Variants in XPA observed in about 807,000 individuals in gnomAD.
XPA encodes XPA, DNA damage recognition and repair factor.
Under a neutral mutation model 35.7 loss-of-function variants are expected in XPA, and 27 were observed. The observed-to-expected ratio is 0.76, with a 90% confidence interval of 0.56 to 1.04. The LOEUF (loss-of-function observed/expected upper bound fraction) is 1.04. Among genes scored for constraint, XPA ranks in the 50% least tolerant of loss-of-function variants. The pLI, the probability that XPA is intolerant of heterozygous loss-of-function variation, is 0.00. For missense variants in XPA, 354 were observed against 342.7 expected, an observed-to-expected ratio of 1.03 and a Z score of -0.26; for synonymous variants, 133 against 118.4, an observed-to-expected ratio of 1.12 and a Z score of -0.80.
intron 1 of XPA, among the ~76,000 whole-genome samples, chr9:97,695,260 C>G (rs1348378717): frequency 6.6e-6 from 1 of 152,290 alleles, no homozygotes; most frequent in East Asian, 1.9e-4. Context: ...GCTACAGTCA[C>G]TCCCCTTCTC....
At chr9:97,676,523 CAT>C (rs1420769727) in intron 5 of XPA, among the ~76,000 whole-genome samples, 1 of 152,184 alleles carries the variant, frequency 6.6e-6, no homozygotes, top group Non-Finnish European at 1.5e-5. Context: ...ATAAAAATAA[CAT>C]ACATCAAGTA....
intron 5 of XPA, among the ~76,000 whole-genome samples, chr9:97,683,859 C>T (rs1828622404): frequency 6.7e-6 from 1 of 148,762 alleles, no homozygotes; most frequent in African/African-American, 2.6e-5. Flanking sequence ...ACCTTATTCA[C>T]TCTCCAAAAC....
chr9:97,669,758 T>A, the XPA span: 1 of 1,300,986 alleles, frequency 7.7e-7, no homozygotes, highest in Non-Finnish European at 1.1e-6. Flanking sequence ...CCACAAAGAT[T>A]TTTCATTAAA....
the XPA span, among the ~76,000 whole-genome samples, chr9:97,654,410 G>T: frequency 6.6e-6 from 1 of 152,016 alleles, no homozygotes; most frequent in African/African-American, 2.4e-5. Context: ...ATTTTTTAAA[G>T]TTTTATTATG....
At chr9:97,693,598 G>A in intron 2 of XPA, 51 bp downstream of exon 2, 8 of 1,478,790 alleles carry the variant, frequency 5.4e-6, no homozygotes, top group Non-Finnish European at 7.5e-6. Flanking sequence ...AATTATGCAT[G>A]TTACTCAAAA....
chr9:97,669,101 A>G, the XPA span: 4 of 1,129,766 alleles, frequency 3.5e-6, no homozygotes, highest in Non-Finnish European at 4.8e-6. Flanking sequence ...TAAAAATACA[A>G]AAATTTAGGA....
At chr9:97,657,294 A>G in the XPA span, among the ~76,000 whole-genome samples, 2 of 152,142 alleles carry the variant, frequency 1.3e-5, no homozygotes, top group Non-Finnish European at 2.9e-5. Context: ...AGGTACATAT[A>G]TAGTGTTGAG....
downstream of XPA, chr9:97,673,604 TGTAAGAGCAAACATTC>T (rs1265931484): frequency 6.6e-6 from 1 of 152,210 alleles, no homozygotes; most frequent in African/African-American, 2.4e-5. Flanking sequence ...GAAATAAAGG[TGTAAGAGCAAACATTC>T]AACAGTTGCT....
chr9:97,686,352 C>G (rs1164420445), intron 4 of XPA, among the ~76,000 whole-genome samples: 1 of 152,194 alleles, frequency 6.6e-6, no homozygotes, highest in African/African-American at 2.4e-5. Context: ...TCTTGGCACA[C>G]CTATAACCCA....
At chr9:97,667,937 T>C in the XPA span, among the ~76,000 whole-genome samples, 1 of 152,208 alleles carries the variant, frequency 6.6e-6, no homozygotes, top group African/African-American at 2.4e-5. Flanking sequence ...AGGACAGTCG[T>C]GTACCCACGT....
At chr9:97,663,831 T>G in the XPA span, among the ~76,000 whole-genome samples, 4 of 151,936 alleles carry the variant, frequency 2.6e-5, no homozygotes, top group Admixed American at 2.6e-4. Context: ...TTTTGTTTAG[T>G]CAACCTGTTT....
At chr9:97,664,295 G>A in the XPA span, 4 of 1,208,090 alleles carry the variant, frequency 3.3e-6, no homozygotes, top group Non-Finnish European at 4.9e-6. Context: ...ATATATGTGT[G>A]TGTATGTGTG....
chr9:97,681,894 A>C (rs1366598717), intron 5 of XPA, among the ~76,000 whole-genome samples: 1 of 152,130 alleles, frequency 6.6e-6, no homozygotes, highest in East Asian at 1.9e-4. Flanking sequence ...TAAAAGGCCA[A>C]ATTCAAAAGA....
chr9:97,656,747 T>A, the XPA span, among the ~76,000 whole-genome samples: 3 of 152,158 alleles, frequency 2.0e-5, no homozygotes, highest in African/African-American at 7.2e-5. Flanking sequence ...CCTTTGAGAA[T>A]AAGCTGCATA....
At position 97,675,501 on chromosome 9, in the gene XPA, C is replaced by CT. The variant is rs777372873; in HGVS notation, c.759dup (p.Asp254ArgfsTer2). 24 of 1,613,804 alleles carry CT rather than the reference C, an allele frequency of 1.5e-5. No homozygotes were observed. The highest frequency in any genetic ancestry group is 2.0e-5 in the Non-Finnish European group (24 of 1,179,960). On this transcript the variant is annotated frameshift_variant, in exon 6 of 6. Coordinates refer to ENST00000375128, the MANE Select transcript of XPA (RefSeq NM_000380.4). LOFTEE classifies it high-confidence loss of function. ...GTACAAGTCTTACGGTACATGTCAT[C>CT]TTCTAGGTTTTCTTCTGGTCCATAC...
chr9:97,665,000 G>A, the XPA span, among the ~76,000 whole-genome samples: 1 of 152,320 alleles, frequency 6.6e-6, no homozygotes, highest in East Asian at 1.9e-4. Flanking sequence ...AGTTTTTGCT[G>A]TTTGGTTCTT....
intron 4 of XPA, 80 bp downstream of exon 4, chr9:97,687,016 C>G (rs1828737953): frequency 6.8e-7 from 1 of 1,475,596 alleles, no homozygotes. Flanking sequence ...ACTCTGTAAG[C>G]AAAAGCCAAA....
At chr9:97,674,616 C>T (rs1185207052), downstream of XPA, among the ~76,000 whole-genome samples, 2 of 152,086 alleles carry the variant, frequency 1.3e-5, no homozygotes, top group Admixed American at 6.5e-5. Context: ...CAGATGCCTG[C>T]GGTGATGTGA....
intron 5 of XPA, among the ~76,000 whole-genome samples, chr9:97,682,597 C>T (rs1219645005): frequency 6.6e-6 from 1 of 152,160 alleles, no homozygotes; most frequent in Non-Finnish European, 1.5e-5. Context: ...ATATATCACT[C>T]ATGTAACCAC....
Sources: gnomAD v4.1 joint callset for allele counts (sites outside exome capture counted in the v4.1 genomes callset) on GRCh38, gnomAD v4.1.1 for gene constraint, MANE v1.5 for transcripts, NCBI Gene and HGNC (gene_info 2026-07-23, HGNC 2026-07-21) for gene names.